The following ENOX1 variants were observed in gnomAD, a reference collection of about 807,000 sequenced individuals.
The protein encoded by ENOX1 is candidate growth-related and time keeping constitutive hydroquinone (NADH) oxidase.
Under a neutral mutation model 82.5 loss-of-function variants are expected in ENOX1, and 42 were observed. That is an observed-to-expected ratio of 0.51 (90% CI 0.40 to 0.66). ENOX1 has a LOEUF of 0.66. Among genes scored for constraint, ENOX1 ranks in the 30% least tolerant of loss-of-function variants. ENOX1 has a pLI of 0.00. For missense variants in ENOX1, 608 were observed against 811.6 expected, an observed-to-expected ratio of 0.75 and a Z score of 3.05; for synonymous variants, 271 against 282.2, an observed-to-expected ratio of 0.96 and a Z score of 0.40.
At chr13:43,321,887 T>C (rs898190345) in intron 11 of ENOX1, among the ~76,000 whole-genome samples, 21 of 152,234 alleles carry the variant, frequency 1.4e-4, no homozygotes, top group Admixed American at 1.4e-3. Context: ...CTCTTCTTTG[T>C]ACAACCTAAG....
chr13:43,562,138 A>C (rs2079706303), intron 2 of ENOX1, among the ~76,000 whole-genome samples: 1 of 152,162 alleles, frequency 6.6e-6, no homozygotes, highest in South Asian at 2.1e-4. Context: ...AGATGAAAAA[A>C]TGAACCAATG....
In ENOX1 at chr13:43,524,043, G is replaced by C. The variant is rs569991363; in HGVS notation, c.-218-39891C>G. ...CCTCACCGGACCCATGGAATCTGTTGCTTCCTTTCCATCCTCCATGGCTAC... is the reference window on the plus strand; with the variant it reads ...CCTCACCGGACCCATGGAATCTGTTCCTTCCTTTCCATCCTCCATGGCTAC... On this transcript the variant is annotated intron_variant, in intron 2 of 16. Coordinates refer to ENST00000690772, the MANE Select transcript of ENOX1 (RefSeq NM_001347969.2). Among the ~76,000 whole-genome samples, 3 of 152,182 alleles carry C rather than the reference G, an allele frequency of 2.0e-5. No individual in the cohort carries two copies. The East Asian group carries it at 5.8e-4, about 29-fold the overall frequency.
intron 1 of ENOX1, among the ~76,000 whole-genome samples, chr13:43,703,705 T>C (rs920900061): frequency 6.6e-6 from 1 of 152,186 alleles, no homozygotes; most frequent in Non-Finnish European, 1.5e-5. Context: ...ATGAAGACTT[T>C]ACCTGTTTTG....
Position 43,291,107 on chromosome 13 carries a change from C to A in ENOX1, c.1446+7239G>T, listed in dbSNP as rs1433106164. Reference sequence around the variant, plus strand: ...TATCATTACCAAATGTTGAATTTTTCTTTTAAAGGGGTTTCTCTTTTTCCA... The same window carrying A: ...TATCATTACCAAATGTTGAATTTTTATTTTAAAGGGGTTTCTCTTTTTCCA... On this transcript the variant is annotated intron_variant, in intron 12 of 16. Transcript: ENST00000690772. Among the ~76,000 whole-genome samples, 7 of 152,154 alleles carry A rather than the reference C, an allele frequency of 4.6e-5. No individual in the cohort carries two copies. The East Asian group carries it at 1.3e-3, about 29-fold the overall frequency.
chr13:43,682,646 C>T (rs571868438), intron 1 of ENOX1, among the ~76,000 whole-genome samples: 6 of 152,124 alleles, frequency 3.9e-5, no homozygotes, highest in Non-Finnish European at 7.4e-5. Context: ...ACACTCAAAG[C>T]TCAGAAAGAG....
rs576548963 is a variant in ENOX1, at chr13:43,512,447, A to G, written c.-218-28295T>C. On this transcript the variant is annotated intron_variant, in intron 2 of 16. Transcript: ENST00000690772. ...GAGCTGCCGAATGGCACACAGCTCCAAAGTCTACCATAATATTTTGAAACA... is the reference window on the plus strand; with the variant it reads ...GAGCTGCCGAATGGCACACAGCTCCGAAGTCTACCATAATATTTTGAAACA... 1.3e-3 allele frequency among the ~76,000 whole-genome samples: 202 copies of G among 152,310 alleles called. 2 individuals are homozygous for G. Among genetic ancestry groups the G allele is most frequent in the Non-Finnish European group, 2.7e-3 (182 of 68,020 alleles).
intron 1 of ENOX1, among the ~76,000 whole-genome samples, chr13:43,703,896 C>A (rs1490166286): frequency 6.6e-6 from 1 of 151,390 alleles, no homozygotes; most frequent in East Asian, 1.9e-4. Flanking sequence ...CAATTTATAG[C>A]AAAATGGTAA....
intron 16 of ENOX1, among the ~76,000 whole-genome samples, chr13:43,214,988 CT>C (rs1454036560): frequency 1.3e-5 from 2 of 152,144 alleles, no homozygotes; most frequent in African/African-American, 2.4e-5. Flanking sequence ...GATAATTAGT[CT>C]CTTTAAGCCT....
intron 6 of ENOX1, 126 bp from the exon 7 acceptor site, chr13:43,360,183 C>A: frequency 1.3e-6 from 1 of 748,966 alleles, no homozygotes; most frequent in Non-Finnish European, 2.0e-6. Flanking sequence ...TCTATGCCAA[C>A]TTAACATTGA....
At chr13:43,479,061 G>T (rs143242220) in intron 3 of ENOX1, among the ~76,000 whole-genome samples, 1 of 151,866 alleles carries the variant, frequency 6.6e-6, no homozygotes, top group African/African-American at 2.4e-5. Flanking sequence ...AGGAGAAACA[G>T]AAGTTGTCAA....
At chr13:43,753,547 T>C (rs962627038) in intron 1 of ENOX1, among the ~76,000 whole-genome samples, 1 of 152,164 alleles carries the variant, frequency 6.6e-6, no homozygotes, top group African/African-American at 2.4e-5. Context: ...GAATTAAGAA[T>C]TAAGATCAAC....
intron 9 of ENOX1, among the ~76,000 whole-genome samples, chr13:43,338,104 T>C (rs760803391): frequency 7.2e-5 from 11 of 152,214 alleles, no homozygotes; most frequent in Non-Finnish European, 1.5e-4. Flanking sequence ...GGGGATATCA[T>C]GGAGTGTTTA....
intron 3 of ENOX1, among the ~76,000 whole-genome samples, chr13:43,456,636 C>A (rs2057245035): frequency 6.6e-6 from 1 of 152,108 alleles, no homozygotes; most frequent in Non-Finnish European, 1.5e-5. Flanking sequence ...GAGGGTTTCA[C>A]CTGTTCTCTC....
intron 5 of ENOX1, among the ~76,000 whole-genome samples, chr13:43,410,698 A>C (rs1310608727): frequency 6.6e-6 from 1 of 151,966 alleles, no homozygotes; most frequent in African/African-American, 2.4e-5. Flanking sequence ...GCCACTATTG[A>C]CCAAAAAGAA....
chr13:43,378,982 T>C (rs899538177), intron 5 of ENOX1, among the ~76,000 whole-genome samples: 5 of 152,132 alleles, frequency 3.3e-5, no homozygotes, highest in Admixed American at 1.3e-4. Context: ...GAAGAGAAGG[T>C]TGGAGTAATT....
intron 5 of ENOX1, among the ~76,000 whole-genome samples, chr13:43,364,451 C>T (rs1216938241): frequency 6.6e-6 from 1 of 152,116 alleles, no homozygotes; most frequent in Non-Finnish European, 1.5e-5. Context: ...CCCTGTCTGG[C>T]TCCTCTCTGT....
intron 5 of ENOX1, among the ~76,000 whole-genome samples, chr13:43,403,429 T>C (rs1466254984): frequency 6.6e-6 from 1 of 152,234 alleles, no homozygotes; most frequent in Non-Finnish European, 1.5e-5. Context: ...GCTTTTGTCA[T>C]TTGTGGAGAA....
chr13:43,784,779 C>A (rs1034956154), intron 1 of ENOX1, among the ~76,000 whole-genome samples: 4 of 152,208 alleles, frequency 2.6e-5, no homozygotes, highest in African/African-American at 9.7e-5. Flanking sequence ...CATTAACTTG[C>A]ATCAGTTGCT....
rs553303576 is a variant in ENOX1, at chr13:43,623,031, G to A, written c.-219+44448C>T. The stretch of plus-strand genomic sequence containing the variant: ...CTGCTGAGTCATTGCAGGTTGTCAC[G>A]GAAGTGGGGAAAGTCAGTAGTCACA... On this transcript the variant is annotated intron_variant, in intron 2 of 16. Transcript: ENST00000690772. Among the ~76,000 whole-genome samples the A allele has an allele frequency of 2.0e-5, 3 of 152,156 alleles. No homozygotes were observed. The East Asian group carries it at 5.8e-4, about 30-fold the overall frequency.
Sources: allele counts gnomAD v4.1 joint callset (sites outside exome capture counted in the v4.1 genomes callset), GRCh38; gene constraint gnomAD v4.1.1; transcripts MANE v1.5; gene names NCBI Gene and HGNC (gene_info 2026-07-23, HGNC 2026-07-21).